Variants in CDH13 observed in about 807,000 individuals in gnomAD.
CDH13 encodes cadherin-13.
In CDH13, 24 loss-of-function variants were observed where a neutral mutation model predicts 63.8. The ratio of observed to expected loss-of-function variants is 0.38; its 90% confidence interval spans 0.27 to 0.53. The LOEUF is 0.53. Ranked by LOEUF, CDH13 falls within the 20% of genes least tolerant of loss-of-function variation. The pLI is 0.85. For missense variants in CDH13, 1,049 were observed against 903.1 expected (o/e 1.16, Z -2.07); for synonymous variants, 503 against 355.3 (o/e 1.42, Z -4.67).
chr16:83,750,476 A>G (rs917481559), intron 11 of CDH13, among the ~76,000 whole-genome samples: 10 of 152,154 alleles, frequency 6.6e-5, no homozygotes, highest in African/African-American at 2.2e-4. Context: ...ATGTTGACGT[A>G]TTGGAGTCCT....
chr16:83,271,465 G>A (rs1190896447), intron 5 of CDH13, among the ~76,000 whole-genome samples: 2 of 66,814 alleles, frequency 3.0e-5, no homozygotes, highest in Non-Finnish European at 6.1e-5. Context: ...CATGGTTGCT[G>A]TTAGAGCCCC....
At chr16:83,260,119 C>CACACAT (rs1906795528) in intron 5 of CDH13, among the ~76,000 whole-genome samples, 1 of 150,304 alleles carries the variant, frequency 6.7e-6, no homozygotes, top group Non-Finnish European at 1.5e-5. Flanking sequence ...CACACACACA[C>CACACAT]ACACACACAC....
chr16:83,562,753 TGAAGG>T (rs1333562344), intron 7 of CDH13, among the ~76,000 whole-genome samples: 7 of 152,224 alleles, frequency 4.6e-5, no homozygotes, highest in Non-Finnish European at 1.0e-4. Flanking sequence ...AAAGTCGTCT[TGAAGG>T]GAGGAGAATA....
chr16:82,902,303 G>C (rs2041498209), intron 2 of CDH13, among the ~76,000 whole-genome samples: 1 of 151,840 alleles, frequency 6.6e-6, no homozygotes, highest in South Asian at 2.1e-4. Context: ...TGGGGAGAAA[G>C]CTTCTCTGGA....
intron 1 of CDH13, among the ~76,000 whole-genome samples, chr16:82,659,721 A>G (rs1050814673): frequency 6.6e-6 from 1 of 152,128 alleles, no homozygotes; most frequent in African/African-American, 2.4e-5. Context: ...CGTCATGACA[A>G]ACACCTGGGA....
chr16:83,044,017 A>G (rs1468770470), intron 3 of CDH13, among the ~76,000 whole-genome samples: 1 of 152,202 alleles, frequency 6.6e-6, no homozygotes, highest in Admixed American at 6.5e-5. Context: ...AGGATGCTCT[A>G]CAGTTCTACA....
intron 2 of CDH13, among the ~76,000 whole-genome samples, chr16:83,007,975 C>A (rs550529597): frequency 6.6e-6 from 1 of 152,070 alleles, no homozygotes; most frequent in Non-Finnish European, 1.5e-5. Context: ...ACCTACCTAC[C>A]GACTTACTTG....
At chr16:83,529,203 G>GT (rs1486780158) in intron 7 of CDH13, among the ~76,000 whole-genome samples, 2 of 151,664 alleles carry the variant, frequency 1.3e-5, no homozygotes, top group African/African-American at 4.8e-5. Context: ...AGTATTTATG[G>GT]TTGGAGGTCA....
intron 4 of CDH13, among the ~76,000 whole-genome samples, chr16:83,173,632 C>G (rs59969017): frequency 0.062 from 9,491 of 152,176 alleles, 525 homozygotes; most frequent in African/African-American, 0.14. Flanking sequence ...ATCTGAAATT[C>G]TAATTTTACT....
chr16:83,084,675 G>A (rs1459200161), intron 3 of CDH13, among the ~76,000 whole-genome samples: 1 of 152,128 alleles, frequency 6.6e-6, no homozygotes, highest in African/African-American at 2.4e-5. Flanking sequence ...GATCACCTGA[G>A]GTTAGGAGTT....
Position 82,866,377 on chromosome 16 carries a change from C to CTTTTTTTTTTTTTT in CDH13, c.157+7920_157+7933dup, listed in dbSNP as rs538206338. 8.1e-4 allele frequency among the ~76,000 whole-genome samples: 47 copies of CTTTTTTTTTTTTTT among 58,326 alleles called. 5 individuals are homozygous for CTTTTTTTTTTTTTT. The highest frequency in any genetic ancestry group is 1.1e-3 in the Admixed American group (4 of 3,756). 38.3% of individuals were successfully genotyped at this position (58,326 alleles called of 152,430 possible). A position where few individuals can be genotyped will look rare whatever the true frequency, so the allele number is the denominator to read the frequency against. On this transcript the variant is annotated intron_variant, in intron 2 of 13. Coordinates refer to ENST00000567109, the MANE Select transcript of CDH13 (RefSeq NM_001257.5). The stretch of plus-strand genomic sequence containing the variant: ...TCTGTTTTCTTTTCTTTTTCTTCTT[C>CTTTTTTTTTTTTTT]TTTTTTTTTTTTTTTTTTTTTTTTT...
At chr16:83,445,394 T>G (rs1183262688) in intron 6 of CDH13, among the ~76,000 whole-genome samples, 1 of 152,146 alleles carries the variant, frequency 6.6e-6, no homozygotes, top group East Asian at 1.9e-4. Flanking sequence ...TTCCCTAAAA[T>G]GAATTTCTGG....
At chr16:82,726,638 TAGTC>T in intron 1 of CDH13, among the ~76,000 whole-genome samples, 1 of 152,224 alleles carries the variant, frequency 6.6e-6, no homozygotes, top group Non-Finnish European at 1.5e-5. Context: ...ACTCCATAAG[TAGTC>T]AGTGCCTCAG....
intron 7 of CDH13, among the ~76,000 whole-genome samples, chr16:83,536,064 A>G (rs556912538): frequency 6.6e-6 from 1 of 152,318 alleles, no homozygotes; most frequent in African/African-American, 2.4e-5. Context: ...CACCCAGGAC[A>G]ACATTTGCAT....
intron 3 of CDH13, among the ~76,000 whole-genome samples, chr16:83,070,939 G>A (rs2032388380): frequency 6.6e-6 from 1 of 151,270 alleles, no homozygotes; most frequent in South Asian, 2.1e-4. Flanking sequence ...AGTTAGGAGG[G>A]GAGTTATGCT....
intron 10 of CDH13, among the ~76,000 whole-genome samples, chr16:83,724,764 T>A (rs908828643): frequency 6.6e-6 from 1 of 152,154 alleles, no homozygotes; most frequent in South Asian, 2.1e-4. Context: ...AGGAGCAAGA[T>A]GATTGATGAA....
intron 7 of CDH13, among the ~76,000 whole-genome samples, chr16:83,592,940 G>A (rs548963454): frequency 2.6e-5 from 4 of 152,246 alleles, no homozygotes; most frequent in African/African-American, 9.6e-5. Context: ...CCTCTGCAGT[G>A]GGAATAAGGC....
At chr16:83,247,734 C>A (rs1486194710) in intron 5 of CDH13, among the ~76,000 whole-genome samples, 1 of 152,208 alleles carries the variant, frequency 6.6e-6, no homozygotes, top group East Asian at 1.9e-4. Flanking sequence ...GGAGTCCACC[C>A]CACCTATAAT....
At chr16:82,700,420 C>T (rs992806888) in intron 1 of CDH13, among the ~76,000 whole-genome samples, 2 of 152,080 alleles carry the variant, frequency 1.3e-5, no homozygotes, top group South Asian at 2.1e-4. Flanking sequence ...GAAGAGTTAC[C>T]GTGTATGTGT....
Sources: gnomAD v4.1 joint callset for allele counts (sites outside exome capture counted in the v4.1 genomes callset) on GRCh38, gnomAD v4.1.1 for gene constraint, MANE v1.5 for transcripts, NCBI Gene and HGNC (gene_info 2026-07-23, HGNC 2026-07-21) for gene names.